The following COX7B2 variants were observed in gnomAD, a reference collection of about 807,000 sequenced individuals.
COX7B2 encodes the protein cytochrome c oxidase subunit 7B2, mitochondrial.
For synonymous variants in COX7B2, 37 were observed against 32.1 expected (o/e 1.15, Z -0.51); for missense variants, 109 against 95.9 (o/e 1.14, Z -0.57).
chr4:46,760,150 G>C (rs1041523988), intron 2 of COX7B2, among the ~76,000 whole-genome samples: 1 of 152,058 alleles, frequency 6.6e-6, no homozygotes, highest in Non-Finnish European at 1.5e-5. Context: ...ACAGTGTGGC[G>C]ATTCCTCAAG....
At chr4:46,883,625 C>T (rs1273544497) in intron 1 of COX7B2, among the ~76,000 whole-genome samples, 1 of 152,062 alleles carries the variant, frequency 6.6e-6, no homozygotes, top group Non-Finnish European at 1.5e-5. Context: ...GTTGTCCCAG[C>T]TACTCGGGAG....
chr4:46,735,846 A>C (rs1310736429), intron 2 of COX7B2, among the ~76,000 whole-genome samples: 1 of 152,202 alleles, frequency 6.6e-6, no homozygotes, highest in Non-Finnish European at 1.5e-5. Flanking sequence ...TTGAGGAATT[A>C]TCTTTTTAAA....
intron 1 of COX7B2, among the ~76,000 whole-genome samples, chr4:46,849,594 C>A (rs1172460658): frequency 6.6e-6 from 1 of 152,024 alleles, no homozygotes; most frequent in East Asian, 1.9e-4. Context: ...AGAACATATG[C>A]TGTTAGATAA....
At chr4:46,756,942 C>A (rs1267294059) in intron 2 of COX7B2, among the ~76,000 whole-genome samples, 1 of 151,934 alleles carries the variant, frequency 6.6e-6, no homozygotes, top group African/African-American at 2.4e-5. Flanking sequence ...TGGGTATATA[C>A]CCAAAGGAAA....
At chr4:46,762,077 T>C (rs939579331) in intron 2 of COX7B2, among the ~76,000 whole-genome samples, 3 of 150,930 alleles carry the variant, frequency 2.0e-5, no homozygotes, top group Non-Finnish European at 4.4e-5. Context: ...TTCCCTTTTT[T>C]TCATATGTAT....
At chr4:46,850,730 A>G (rs1467356958) in intron 1 of COX7B2, among the ~76,000 whole-genome samples, 1 of 152,124 alleles carries the variant, frequency 6.6e-6, no homozygotes. Flanking sequence ...ATTCTTCACT[A>G]CTGTACATAG....
intron 2 of COX7B2, among the ~76,000 whole-genome samples, chr4:46,741,051 C>CTG (rs1232530615): frequency 6.6e-6 from 1 of 152,060 alleles, no homozygotes; most frequent in Non-Finnish European, 1.5e-5. Flanking sequence ...AAAGGATTTG[C>CTG]TGTATGATCC....
chr4:46,808,834 C>T (rs1163021469), intron 2 of COX7B2, among the ~76,000 whole-genome samples: 1 of 151,882 alleles, frequency 6.6e-6, no homozygotes, highest in African/African-American at 2.4e-5. Context: ...TGATGTATCA[C>T]ATTGATTGAT....
At chr4:46,791,628 C>T (rs879441050) in intron 2 of COX7B2, among the ~76,000 whole-genome samples, 28 of 152,288 alleles carry the variant, frequency 1.8e-4, no homozygotes, top group South Asian at 4.1e-4. Flanking sequence ...CTCAACTAAA[C>T]GGCTGGCACC....
intron 1 of COX7B2, among the ~76,000 whole-genome samples, chr4:46,879,966 C>T (rs1033472977): frequency 2.0e-5 from 3 of 152,112 alleles, no homozygotes; most frequent in African/African-American, 7.2e-5. Flanking sequence ...TGCCTGACTG[C>T]TTGAGCTAGG....
chr4:46,838,266 G>T (rs975396293), intron 2 of COX7B2, among the ~76,000 whole-genome samples: 1 of 151,964 alleles, frequency 6.6e-6, no homozygotes, highest in African/African-American at 2.4e-5. Flanking sequence ...AATCATGCAT[G>T]TACTAGCATT....
intron 2 of COX7B2, among the ~76,000 whole-genome samples, chr4:46,765,901 G>A (rs914704668): frequency 6.6e-6 from 1 of 152,130 alleles, no homozygotes; most frequent in African/African-American, 2.4e-5. Flanking sequence ...CACAGCCATA[G>A]GTTCCAGGCT....
At chr4:46,779,482 G>A (rs1220190585) in intron 2 of COX7B2, among the ~76,000 whole-genome samples, 1 of 152,178 alleles carries the variant, frequency 6.6e-6, no homozygotes, top group African/African-American at 2.4e-5. Flanking sequence ...GATGAACATG[G>A]AGGTGCAGAT....
At chr4:46,764,491 C>A (rs748022033) in intron 2 of COX7B2, among the ~76,000 whole-genome samples, 12 of 151,400 alleles carry the variant, frequency 7.9e-5, no homozygotes, top group African/African-American at 2.9e-4. Flanking sequence ...TGCAGTGAGC[C>A]GAGATCAGGC....
chr4:46,858,165 C>G (rs943959870), intron 1 of COX7B2, among the ~76,000 whole-genome samples: 1 of 152,106 alleles, frequency 6.6e-6, no homozygotes, highest in Admixed American at 6.6e-5. Flanking sequence ...ATGATCTCGG[C>G]TTACTGCAAT....
At chr4:46,838,596 T>C (rs1715695465) in intron 2 of COX7B2, among the ~76,000 whole-genome samples, 1 of 152,068 alleles carries the variant, frequency 6.6e-6, no homozygotes, top group African/African-American at 2.4e-5. Flanking sequence ...ATGGAGTATT[T>C]TGTGATAGCA....
intron 1 of COX7B2, among the ~76,000 whole-genome samples, chr4:46,867,990 G>T (rs917493584): frequency 2.6e-5 from 4 of 152,148 alleles, no homozygotes; most frequent in East Asian, 3.9e-4. Flanking sequence ...ATCTGGCTGT[G>T]AATTCATCAG....
At chr4:46,808,496 A>C (rs751203010) in intron 2 of COX7B2, among the ~76,000 whole-genome samples, 57 of 151,604 alleles carry the variant, frequency 3.8e-4, no homozygotes, top group Admixed American at 8.5e-4. Context: ...TCTTCCTTTT[A>C]ACTTAGATGA....
chr4:46,769,926 T>C (rs1211122081), intron 2 of COX7B2, among the ~76,000 whole-genome samples: 1 of 152,164 alleles, frequency 6.6e-6, no homozygotes, highest in African/African-American at 2.4e-5. Flanking sequence ...AAGCCTTTCC[T>C]TTAAGATGAG....
Sources: allele counts gnomAD v4.1 joint callset (sites outside exome capture counted in the v4.1 genomes callset), GRCh38; gene constraint gnomAD v4.1.1; transcripts MANE v1.5; gene names NCBI Gene and HGNC (gene_info 2026-07-23, HGNC 2026-07-21).